CAPN11: variants seen among roughly 807,000 people sequenced by gnomAD.
The protein encoded by CAPN11 is calpain-11.
CAPN11 carries 108 observed loss-of-function variants against 105.3 expected under a neutral mutation model. The observed-to-expected ratio is 1.03, with a 90% CI of 0.88 to 1.20. The LOEUF is 1.20. Among genes scored for constraint, CAPN11 ranks in the 50% most tolerant of loss-of-function variants. CAPN11 has a pLI of 0.00. For synonymous variants in CAPN11, 329 were observed against 344.5 expected, an observed-to-expected ratio of 0.96 and a Z score of 0.50; for missense variants, 883 against 924.8, an observed-to-expected ratio of 0.95 and a Z score of 0.59.
Position 44,176,163 on chromosome 6 carries a change from G to C in CAPN11, c.915+12G>C. ...CTGGCCTTCAGGATGTGAGTCCTGA[G>C]AAATGCGCCCTACCCTGAGGACCCT... On this transcript the variant is annotated intron_variant, in intron 8 of 22. Transcript: ENST00000398776. The C allele has an allele frequency of 1.3e-6, 2 of 1,488,012 alleles. No individual in the cohort carries two copies. The highest frequency in any genetic ancestry group is 1.8e-6 in the Non-Finnish European group (2 of 1,084,520). 92.2% of individuals were successfully genotyped at this position (1,488,012 alleles called of 1,614,324 possible).
At chr6:44,165,297 G>C (rs1250973976) in intron 1 of CAPN11, among the ~76,000 whole-genome samples, 1 of 152,166 alleles carries the variant, frequency 6.6e-6, no homozygotes, top group East Asian at 1.9e-4. Flanking sequence ...CTAGATTTTT[G>C]CTATTTAAGG....
chr6:44,182,526 A>T (rs1429094185), intron 19 of CAPN11, among the ~76,000 whole-genome samples: 1 of 152,242 alleles, frequency 6.6e-6, no homozygotes, highest in African/African-American at 2.4e-5. Flanking sequence ...GAATATCAGG[A>T]GTGGGCCAGG....
chr6:44,176,813 G>T, intron 10 of CAPN11, 25 bp from the exon 11 acceptor site: 1 of 1,612,638 alleles, frequency 6.2e-7, no homozygotes, highest in East Asian at 2.2e-5. Context: ...TGCTGCTGAC[G>T]GGCTCCACCC....
chr6:44,169,216 G>C (rs1770551159), intron 2 of CAPN11, 65 bp from the exon 3 acceptor site: 16 of 1,488,516 alleles, frequency 1.1e-5, no homozygotes, highest in Non-Finnish European at 1.3e-5. Context: ...TTACAGGAGT[G>C]AACCACTGTG....
At chr6:44,181,160 G>A (rs1000719667) in intron 18 of CAPN11, 92 bp from the exon 19 acceptor site, 5 of 1,275,784 alleles carry the variant, frequency 3.9e-6, no homozygotes, top group Non-Finnish European at 4.6e-6. Flanking sequence ...GGAACCCCAG[G>A]GCTTGTGTGT....
chr6:44,182,432 G>C (rs1023492063), intron 19 of CAPN11, among the ~76,000 whole-genome samples: 1 of 152,176 alleles, frequency 6.6e-6, no homozygotes, highest in Non-Finnish European at 1.5e-5. Flanking sequence ...AGTCATGAAG[G>C]ATGCACACAA....
chr6:44,162,581 T>C (rs1769084325), intron 1 of CAPN11, among the ~76,000 whole-genome samples: 1 of 152,092 alleles, frequency 6.6e-6, no homozygotes, highest in African/African-American at 2.4e-5. Context: ...CCAGCCCTGA[T>C]GCTTCCAGAA....
At chr6:44,177,173 G>T in intron 11 of CAPN11, 69 bp from the exon 12 acceptor site, 1 of 1,508,756 alleles carries the variant, frequency 6.6e-7, no homozygotes, top group Non-Finnish European at 8.9e-7. Flanking sequence ...GGGGAAGCTC[G>T]GTCCACCCTG....
In CAPN11 at chr6:44,176,051, C is replaced by T. The variant is rs762364670; in HGVS notation, c.832-17C>T. ...CCTCCATGCCCTCCATGCTCTCCCT[C>T]CCTCTCTGTTCTGTAGGTCACCAGT... On this transcript the variant is annotated splice_polypyrimidine_tract_variant and intron_variant, in intron 7 of 22. Coordinates refer to ENST00000398776, the MANE Select transcript of CAPN11 (RefSeq NM_007058.4). 1.6e-5 allele frequency: 25 copies of T among 1,586,978 alleles called. No individual in the cohort carries two copies. Among genetic ancestry groups the T allele is most frequent in the Non-Finnish European group, 2.2e-5 (25 of 1,158,810 alleles).
chr6:44,183,327 C>A, intron 21 of CAPN11, 92 bp downstream of exon 21: 1 of 798,168 alleles, frequency 1.3e-6, no homozygotes, highest in East Asian at 2.4e-5. Flanking sequence ...CTCCAGATCC[C>A]CTCCCCCTTA....
intron 1 of CAPN11, chr6:44,162,020 G>A (rs1768925396): frequency 2.4e-6 from 1 of 408,834 alleles, no homozygotes; most frequent in African/African-American, 2.0e-5. Flanking sequence ...AGCATCCCTG[G>A]CCTCTACTTA....
At chr6:44,166,529 G>A (rs1468782156) in intron 1 of CAPN11, among the ~76,000 whole-genome samples, 1 of 152,154 alleles carries the variant, frequency 6.6e-6, no homozygotes, top group Non-Finnish European at 1.5e-5. Flanking sequence ...CAGGGGAGGA[G>A]GACTAACTGA....
At chr6:44,183,067 G>C in intron 20 of CAPN11, 48 bp downstream of exon 20, 3 of 1,590,870 alleles carry the variant, frequency 1.9e-6, no homozygotes, top group Non-Finnish European at 2.6e-6. Context: ...GAGGATGGCA[G>C]TGTCCAGAGG....
intron 1 of CAPN11, among the ~76,000 whole-genome samples, chr6:44,161,176 G>GT (rs1768722725): frequency 9.7e-6 from 1 of 102,882 alleles, no homozygotes; most frequent in African/African-American, 4.3e-5. Flanking sequence ...TTTTCTTTTG[G>GT]GTTTTTTTTT....
At chr6:44,175,797 T>TAAC (rs146397946) in intron 7 of CAPN11, among the ~76,000 whole-genome samples, 114,284 of 151,548 alleles carry the variant, frequency 0.75, 43,512 homozygotes, top group African/African-American at 0.83. Flanking sequence ...ATAATAATAA[T>TAAC]AATTTTTAAA....
chr6:44,170,054 G>C (rs900316738), intron 4 of CAPN11, 79 bp downstream of exon 4: 5 of 1,115,034 alleles, frequency 4.5e-6, no homozygotes, highest in Non-Finnish European at 5.3e-6. Context: ...TTTGAAGCTG[G>C]GAAACAGGGA....
chr6:44,175,512 A>AAG (rs1229095995), intron 7 of CAPN11, among the ~76,000 whole-genome samples: 1 of 152,034 alleles, frequency 6.6e-6, no homozygotes, highest in Non-Finnish European at 1.5e-5. Flanking sequence ...GCGGTGGCTC[A>AAG]TGCTTGTAAT....
intron 2 of CAPN11, among the ~76,000 whole-genome samples, chr6:44,167,497 C>CAAAAAA (rs61107654): frequency 8.9e-4 from 24 of 27,002 alleles, no homozygotes; most frequent in South Asian, 3.0e-3. Flanking sequence ...GACTCCATCT[C>CAAAAAA]AAAAAAAAAA....
At chr6:44,179,832 C>A in intron 13 of CAPN11, 120 bp from the exon 14 acceptor site, 1 of 910,562 alleles carries the variant, frequency 1.1e-6, no homozygotes, top group Non-Finnish European at 1.8e-6. Flanking sequence ...GGTGTCCAGG[C>A]CAGGTCAGTT....
Sources: allele counts gnomAD v4.1 joint callset (sites outside exome capture counted in the v4.1 genomes callset), GRCh38; gene constraint gnomAD v4.1.1; transcripts MANE v1.5; gene names NCBI Gene and HGNC (gene_info 2026-07-23, HGNC 2026-07-21).